Variants in CCDC91 observed in about 807,000 individuals in gnomAD.
The protein encoded by CCDC91 is coiled-coil domain-containing protein 91.
A neutral mutation model predicts 63.2 loss-of-function variants in CCDC91; 48 were observed. That is an observed-to-expected ratio of 0.76 (90% CI 0.60 to 0.97). The LOEUF is 0.97. CCDC91 is among the 50% of genes least tolerant of loss of function. The probability of loss-of-function intolerance (pLI) is 0.00; values close to 1 mark genes in which losing one functional copy is unlikely to be tolerated. For missense variants in CCDC91, 500 were observed against 494.6 expected (o/e 1.01, Z -0.10); for synonymous variants, 167 against 165.8 (o/e 1.01, Z -0.06).
intron 3 of CCDC91, among the ~76,000 whole-genome samples, chr12:28,290,635 TG>T (rs1436703632): frequency 2.0e-5 from 3 of 152,342 alleles, no homozygotes; most frequent in African/African-American, 7.2e-5. Flanking sequence ...GTTTTTGTAG[TG>T]GCTGGTCCAA....
intron 8 of CCDC91, among the ~76,000 whole-genome samples, chr12:28,405,945 G>A (rs922840160): frequency 3.4e-4 from 49 of 143,136 alleles, no homozygotes; most frequent in African/African-American, 1.1e-3. Context: ...AGTATGTTTT[G>A]TAAAAAAAAT....
chr12:28,526,122 C>T (rs1431402974), intron 12 of CCDC91, among the ~76,000 whole-genome samples: 1 of 149,792 alleles, frequency 6.7e-6, no homozygotes. Flanking sequence ...AGGTACTATT[C>T]CATTCATCAT....
chr12:28,520,346 C>T (rs1940485730), intron 12 of CCDC91, among the ~76,000 whole-genome samples: 1 of 151,974 alleles, frequency 6.6e-6, no homozygotes, highest in Admixed American at 6.6e-5. Flanking sequence ...TTTTCATGTG[C>T]CTGTTGGCTG....
intron 11 of CCDC91, among the ~76,000 whole-genome samples, chr12:28,456,493 C>T (rs1318452276): frequency 6.6e-6 from 1 of 152,010 alleles, no homozygotes; most frequent in Non-Finnish European, 1.5e-5. Flanking sequence ...TCAGTAGTTA[C>T]AATAACTGAG....
At chr12:28,317,041 C>T (rs1274177077) in intron 6 of CCDC91, among the ~76,000 whole-genome samples, 1 of 151,992 alleles carries the variant, frequency 6.6e-6, no homozygotes, top group Non-Finnish European at 1.5e-5. Context: ...ATGCTGACCT[C>T]TCCAGTGAGT....
At chr12:28,316,556 CTTTTTTTTTTTTTTT>C (rs67889099) in intron 6 of CCDC91, among the ~76,000 whole-genome samples, 1 of 28,446 alleles carries the variant, frequency 3.5e-5, no homozygotes, top group Non-Finnish European at 6.5e-5. Context: ...CAACTCACAC[CTTTTTTTTTTTTTTT>C]TTTTTTTTTT....
intron 7 of CCDC91, among the ~76,000 whole-genome samples, chr12:28,387,880 T>A (rs914951457): frequency 2.0e-5 from 3 of 152,220 alleles, no homozygotes; most frequent in Admixed American, 2.0e-4. Flanking sequence ...TATAATGACT[T>A]CTTTTCCTCT....
chr12:28,521,423 G>C (rs1300428529), intron 12 of CCDC91, among the ~76,000 whole-genome samples: 1 of 152,154 alleles, frequency 6.6e-6, no homozygotes, highest in Non-Finnish European at 1.5e-5. Context: ...CATTGATTCT[G>C]TATCCTGAGA....
chr12:28,398,405 A>G (rs1294680534), intron 8 of CCDC91, among the ~76,000 whole-genome samples: 1 of 152,160 alleles, frequency 6.6e-6, no homozygotes, highest in Non-Finnish European at 1.5e-5. Flanking sequence ...TTGTATGGAA[A>G]CGTAGCATTT....
chr12:28,375,949 A>G (rs1441854317), intron 7 of CCDC91, among the ~76,000 whole-genome samples: 1 of 151,912 alleles, frequency 6.6e-6, no homozygotes, highest in Non-Finnish European at 1.5e-5. Context: ...GGTCCACTCA[A>G]CAGTTGTGAT....
At chr12:28,408,464 T>G (rs1322636136) in intron 8 of CCDC91, among the ~76,000 whole-genome samples, 1 of 152,212 alleles carries the variant, frequency 6.6e-6, no homozygotes, top group Non-Finnish European at 1.5e-5. Flanking sequence ...TGCGTCTGAC[T>G]TTTTAATAAT....
At chr12:28,519,920 T>A (rs1940421793) in intron 12 of CCDC91, among the ~76,000 whole-genome samples, 1 of 152,044 alleles carries the variant, frequency 6.6e-6, no homozygotes, top group Admixed American at 6.6e-5. Flanking sequence ...TATGGCTGCA[T>A]AGTATTCCAT....
intron 8 of CCDC91, among the ~76,000 whole-genome samples, chr12:28,404,851 C>G (rs184888634): frequency 1.0e-3 from 157 of 152,042 alleles, no homozygotes; most frequent in Middle Eastern, 3.4e-3. Context: ...CTGTCTTTAT[C>G]CACTTACTTT....
chr12:28,350,738 C>T (rs1196350178), intron 6 of CCDC91, among the ~76,000 whole-genome samples: 1 of 152,178 alleles, frequency 6.6e-6, no homozygotes, highest in Non-Finnish European at 1.5e-5. Flanking sequence ...CTGTTCTCCT[C>T]CAGTTTCTCA....
intron 8 of CCDC91, among the ~76,000 whole-genome samples, chr12:28,423,863 C>A (rs554726759): frequency 6.6e-6 from 1 of 152,214 alleles, no homozygotes; most frequent in South Asian, 2.1e-4. Flanking sequence ...AAATTTATAT[C>A]ATATAATTCC....
chr12:28,199,725 G>T (rs1376410775), intron 1 of CCDC91, among the ~76,000 whole-genome samples: 1 of 152,200 alleles, frequency 6.6e-6, no homozygotes, highest in Non-Finnish European at 1.5e-5. Context: ...AGAATTCTTA[G>T]TTGGCAGTCT....
intron 8 of CCDC91, among the ~76,000 whole-genome samples, chr12:28,428,933 T>G (rs1948482895): frequency 6.6e-6 from 1 of 151,950 alleles, no homozygotes; most frequent in African/African-American, 2.4e-5. Flanking sequence ...CTATATAAAT[T>G]TTTTTTTATT....
intron 1 of CCDC91, among the ~76,000 whole-genome samples, chr12:28,228,571 A>C (rs1054580210): frequency 2.0e-5 from 3 of 152,100 alleles, no homozygotes; most frequent in Non-Finnish European, 2.9e-5. Context: ...TTGGAGAGCC[A>C]GTGATTACTT....
chr12:28,423,219 A>T (rs1029015722), intron 8 of CCDC91, among the ~76,000 whole-genome samples: 8 of 152,144 alleles, frequency 5.3e-5, no homozygotes, highest in African/African-American at 1.7e-4. Context: ...ACAAATAGAG[A>T]AAAATTCTTA....
Sources: allele counts gnomAD v4.1 joint callset (sites outside exome capture counted in the v4.1 genomes callset), GRCh38; gene constraint gnomAD v4.1.1; transcripts MANE v1.5; gene names NCBI Gene and HGNC (gene_info 2026-07-23, HGNC 2026-07-21).